RARB: variants seen among roughly 807,000 people sequenced by gnomAD.
RARB encodes the protein HBV-activated protein.
Under a neutral mutation model 51.9 loss-of-function variants are expected in RARB, and 17 were observed. That is an observed-to-expected ratio of 0.33 (90% CI 0.22 to 0.49). The LOEUF is 0.49. RARB is among the 20% of genes least tolerant of loss of function. The probability of loss-of-function intolerance (pLI) is 0.99; values close to 1 mark genes in which losing one functional copy is unlikely to be tolerated. For missense variants in RARB, 369 were observed against 550.8 expected (o/e 0.67, Z 3.30); for synonymous variants, 215 against 195.4 (o/e 1.10, Z -0.84).
chr3:24,839,064 A>G (rs896306952), intron 1 of RARB, among the ~76,000 whole-genome samples: 2 of 152,138 alleles, frequency 1.3e-5, no homozygotes, highest in Admixed American at 6.5e-5. Context: ...ACTAAAGTAC[A>G]TATTTGAGTA....
chr3:25,569,327 G>A (rs1700620940), intron 3 of RARB, among the ~76,000 whole-genome samples: 1 of 152,238 alleles, frequency 6.6e-6, no homozygotes, highest in Admixed American at 6.5e-5. Flanking sequence ...ACCAAAATGT[G>A]TAGCTAGGAA....
At chr3:25,280,263 C>T (rs1005327030) in intron 5 of RARB, among the ~76,000 whole-genome samples, 3 of 152,116 alleles carry the variant, frequency 2.0e-5, no homozygotes, top group Non-Finnish European at 4.4e-5. Flanking sequence ...TTTTCTCTGA[C>T]CCTGTGTCTC....
intron 2 of RARB, among the ~76,000 whole-genome samples, chr3:24,986,913 A>C (rs1158633817): frequency 2.0e-5 from 3 of 152,186 alleles, no homozygotes; most frequent in Non-Finnish European, 4.4e-5. Context: ...AGCTGGGCCA[A>C]AGAAGCTAAG....
intron 3 of RARB, among the ~76,000 whole-genome samples, chr3:25,549,402 A>G (rs1699749046): frequency 6.6e-6 from 1 of 152,198 alleles, no homozygotes; most frequent in Non-Finnish European, 1.5e-5. Context: ...GCCATTTAAC[A>G]GAGGTGAACA....
chr3:25,308,931 C>T (rs145672959), intron 5 of RARB, among the ~76,000 whole-genome samples: 1 of 152,108 alleles, frequency 6.6e-6, no homozygotes, highest in African/African-American at 2.4e-5. Flanking sequence ...GAATTATCAC[C>T]TCCATCATTC....
intron 2 of RARB, among the ~76,000 whole-genome samples, chr3:25,036,090 T>C (rs887359695): frequency 6.6e-6 from 1 of 152,222 alleles, no homozygotes; most frequent in African/African-American, 2.4e-5. Flanking sequence ...GTATTTATTT[T>C]TTTTATTTCT....
At chr3:25,383,777 A>C (rs1325788952) in intron 5 of RARB, among the ~76,000 whole-genome samples, 1 of 152,070 alleles carries the variant, frequency 6.6e-6, no homozygotes, top group Admixed American at 6.5e-5. Flanking sequence ...AAAAAATACA[A>C]AACTTAGCCA....
intron 1 of RARB, among the ~76,000 whole-genome samples, chr3:24,853,589 A>G (rs956072942): frequency 7.2e-5 from 11 of 152,204 alleles, no homozygotes; most frequent in African/African-American, 2.7e-4. Context: ...TAGAAAGTCC[A>G]GTCAAATGTT....
intron 5 of RARB, among the ~76,000 whole-genome samples, chr3:25,241,335 T>C (rs1326937665): frequency 6.6e-6 from 1 of 152,216 alleles, no homozygotes; most frequent in Non-Finnish European, 1.5e-5. Context: ...AAATTATACT[T>C]TAAGTTCTGG....
chr3:25,184,782 T>C (rs549465457), intron 5 of RARB, among the ~76,000 whole-genome samples: 1 of 152,086 alleles, frequency 6.6e-6, no homozygotes, highest in Non-Finnish European at 1.5e-5. Flanking sequence ...CTCCCAGCGC[T>C]TTGCGGGACT....
At chr3:25,452,754 C>G (rs1709250510) in intron 1 of RARB, among the ~76,000 whole-genome samples, 1 of 152,092 alleles carries the variant, frequency 6.6e-6, no homozygotes, top group South Asian at 2.1e-4. Context: ...TTTAAATTTC[C>G]TAATTCTAAG....
chr3:24,901,768 C>G (rs1021108848), intron 2 of RARB, among the ~76,000 whole-genome samples: 1 of 152,088 alleles, frequency 6.6e-6, no homozygotes, highest in African/African-American at 2.4e-5. Context: ...TAGGGGGATT[C>G]CTCTGAGCTG....
At chr3:25,055,949 A>G (rs916732008) in intron 2 of RARB, among the ~76,000 whole-genome samples, 1 of 152,122 alleles carries the variant, frequency 6.6e-6, no homozygotes, top group Non-Finnish European at 1.5e-5. Context: ...AGCATCTGCC[A>G]CACCAGTCAT....
intron 2 of RARB, among the ~76,000 whole-genome samples, chr3:24,933,952 TCTAATAAGAGAATAAAAAC>T (rs1298661683): frequency 6.6e-6 from 1 of 152,144 alleles, no homozygotes; most frequent in Non-Finnish European, 1.5e-5. Context: ...CTGTATACAT[TCTAATAAGAGAATAAAAAC>T]TGTTTTTTAA....
chr3:25,323,898 C>T (rs1364538836), intron 5 of RARB, among the ~76,000 whole-genome samples: 1 of 152,306 alleles, frequency 6.6e-6, no homozygotes, highest in South Asian at 2.1e-4. Context: ...ACACCATTCA[C>T]ATTCTAGTAC....
chr3:24,922,047 G>C (rs553628035), intron 2 of RARB, among the ~76,000 whole-genome samples: 9 of 152,158 alleles, frequency 5.9e-5, no homozygotes, highest in Non-Finnish European at 1.3e-4. Flanking sequence ...TTGGGGCTAA[G>C]GCAAGTTTAT....
At chr3:24,908,688 T>TTTA (rs1553613049) in intron 2 of RARB, among the ~76,000 whole-genome samples, 5 of 131,348 alleles carry the variant, frequency 3.8e-5, no homozygotes, top group African/African-American at 1.5e-4. Flanking sequence ...TTTTTTTTTT[T>TTTA]ACTAACCTAC....
At chr3:25,152,414 G>T (rs1175340509) in intron 4 of RARB, among the ~76,000 whole-genome samples, 4 of 152,054 alleles carry the variant, frequency 2.6e-5, no homozygotes, top group African/African-American at 4.8e-5. Flanking sequence ...TCCAAAGAGG[G>T]TTTATTTTGT....
intron 5 of RARB, among the ~76,000 whole-genome samples, chr3:25,410,943 T>G (rs1195537682): frequency 6.6e-6 from 1 of 152,228 alleles, no homozygotes; most frequent in Non-Finnish European, 1.5e-5. Flanking sequence ...ATAAGAAGTC[T>G]AGGAAGTTAA....
Sources: gnomAD v4.1 joint callset for allele counts (sites outside exome capture counted in the v4.1 genomes callset) on GRCh38, gnomAD v4.1.1 for gene constraint, MANE v1.5 for transcripts, NCBI Gene and HGNC (gene_info 2026-07-23, HGNC 2026-07-21) for gene names.